Variants in MPP3 observed in about 807,000 individuals in gnomAD.
MPP3 encodes the protein MAGUK p55 scaffold protein 3.
A neutral mutation model predicts 80.7 loss-of-function variants in MPP3; 48 were observed. That is an observed-to-expected ratio of 0.59 (90% confidence interval 0.47 to 0.76). MPP3 has a LOEUF of 0.76. Ranked by LOEUF, MPP3 falls within the 30% of genes least tolerant of loss-of-function variation. MPP3 has a pLI of 0.00. For missense variants in MPP3, 620 were observed against 763.0 expected, an observed-to-expected ratio of 0.81 and a Z score of 2.21; for synonymous variants, 311 against 297.6, an observed-to-expected ratio of 1.04 and a Z score of -0.46.
rs565139749 is a variant in MPP3 at position 43,829,859 on chromosome 17, C to T, written c.304-68G>A. 82 of 1,606,690 alleles carry T rather than the reference C, an allele frequency of 5.1e-5. 2 individuals are homozygous for T. In the Admixed American group the frequency reaches 6.7e-4, roughly 13 times the overall value. On this transcript the variant is annotated intron_variant, in intron 6 of 19. Coordinates refer to ENST00000398389, the MANE Select transcript of MPP3 (RefSeq NM_001932.6). ...ACAGGGTCAGCAGGCCGCAGCTGGC[C>T]GGTGGTATGGAGGGTGGCAGACGCC...
At chr17:43,808,855 C>A in intron 19 of MPP3, 101 bp downstream of exon 19, 1 of 1,342,922 alleles carries the variant, frequency 7.4e-7, no homozygotes, top group Non-Finnish European at 1.0e-6. Flanking sequence ...AGGTGTGTCC[C>A]GCATCCCTCT....
At chr17:43,808,602 T>A (rs781347663) in intron 19 of MPP3, among the ~76,000 whole-genome samples, 5 of 152,244 alleles carry the variant, frequency 3.3e-5, no homozygotes, top group Admixed American at 6.5e-5. Flanking sequence ...TTTAAAATAC[T>A]TGGATTTGGC....
chr17:43,826,003 T>C (rs900323403), intron 8 of MPP3, among the ~76,000 whole-genome samples, 162 bp from the exon 9 acceptor site: 5 of 152,224 alleles, frequency 3.3e-5, no homozygotes, highest in African/African-American at 1.2e-4. Context: ...CCCTGCTAAG[T>C]GCTGGGCACC....
rs538929858 is a variant in MPP3 at position 43,806,767 on chromosome 17, C to T, written c.1581+2189G>A. Among the ~76,000 whole-genome samples the T allele has an allele frequency of 2.3e-4, 35 of 152,200 alleles. No individual in the cohort carries two copies. The South Asian group carries it at 7.3e-3, about 32-fold the overall frequency. On this transcript the variant is annotated intron_variant, in intron 19 of 19. Coordinates refer to ENST00000398389, the MANE Select transcript of MPP3 (RefSeq NM_001932.6). ...GGGATTACAGGCGCGTGCCACCACA[C>T]CCAGCTAATTTTTTGTATTTAGTAG...
intron 5 of MPP3, 48 bp from the exon 6 acceptor site, chr17:43,830,155 C>T: frequency 7.2e-7 from 1 of 1,386,846 alleles, no homozygotes; most frequent in African/African-American, 1.5e-5. Flanking sequence ...GTGCCCCTGC[C>T]CCATATCTGC....
chr17:43,816,129 C>T, intron 13 of MPP3, 50 bp from the exon 14 acceptor site: 1 of 1,474,874 alleles, frequency 6.8e-7, no homozygotes, highest in South Asian at 1.4e-5. Flanking sequence ...CCAGACACAT[C>T]CGGCCCAGGG....
chr17:43,827,205 G>A lies in MPP3; in HGVS notation c.523+546C>T, dbSNP rs564374407. 1.6e-3 allele frequency among the ~76,000 whole-genome samples: 243 copies of A among 151,984 alleles called. No individual in the cohort carries two copies. In the Middle Eastern group the frequency reaches 0.027, roughly 17 times the overall value. ...CTAATTTTGTATTTTTAGTAGAGATGGGGTTTCTCTGTGTGGGTCAGGCTG... is the reference window on the plus strand; with the variant it reads ...CTAATTTTGTATTTTTAGTAGAGATAGGGTTTCTCTGTGTGGGTCAGGCTG... On this transcript the variant is annotated intron_variant, in intron 8 of 19. Transcript: ENST00000398389.
chr17:43,824,373 C>A (rs2045601497), intron 9 of MPP3, among the ~76,000 whole-genome samples: 1 of 152,138 alleles, frequency 6.6e-6, no homozygotes. Context: ...CCAGAGGGCT[C>A]CCTTCCTTGC....
intron 7 of MPP3, 90 bp from the exon 8 acceptor site, chr17:43,827,922 C>A: frequency 8.2e-7 from 1 of 1,221,672 alleles, no homozygotes; most frequent in Admixed American, 1.7e-5. Flanking sequence ...CTCCCCAGTC[C>A]CTCCCTCTGA....
At chr17:43,804,609 A>G (rs2044539754) in intron 19 of MPP3, among the ~76,000 whole-genome samples, 1 of 152,232 alleles carries the variant, frequency 6.6e-6, no homozygotes, top group South Asian at 2.1e-4. Context: ...AAAGGAGTAA[A>G]TCTTTATGGC....
At chr17:43,831,714 C>A (rs2045969711) in intron 3 of MPP3, 37 bp from the exon 4 acceptor site, 1 of 1,552,532 alleles carries the variant, frequency 6.4e-7, no homozygotes, top group Non-Finnish European at 8.8e-7. Context: ...ATAGCAAACG[C>A]AGTGGGTGCT....
chr17:43,825,521 G>A (rs2045653454), intron 9 of MPP3: 3 of 449,702 alleles, frequency 6.7e-6, no homozygotes, highest in Non-Finnish European at 1.2e-5. Context: ...GGGGAAGGAA[G>A]GAAGGCTGTG....
intron 10 of MPP3, among the ~76,000 whole-genome samples, chr17:43,822,264 T>C (rs916207034): frequency 2.6e-5 from 4 of 152,234 alleles, no homozygotes; most frequent in South Asian, 2.1e-4. Context: ...AAAACTGTCA[T>C]TGAAGACGTA....
Sources: allele counts gnomAD v4.1 joint callset (sites outside exome capture counted in the v4.1 genomes callset), GRCh38; gene constraint gnomAD v4.1.1; transcripts MANE v1.5; gene names NCBI Gene and HGNC (gene_info 2026-07-23, HGNC 2026-07-21).